ZDHHC15: variants seen among roughly 807,000 people sequenced by gnomAD.
The protein encoded by ZDHHC15 is zDHHC palmitoyltransferase 15.
ZDHHC15 carries 19 observed loss-of-function variants against 31.7 expected under a neutral mutation model. That is an observed-to-expected ratio of 0.60 (90% CI 0.42 to 0.88). ZDHHC15 has a LOEUF of 0.88. Ranked by LOEUF, ZDHHC15 falls within the 40% of genes least tolerant of loss-of-function variation. The pLI is 0.00. For synonymous variants in ZDHHC15, 103 were observed against 90.0 expected (o/e 1.14, Z -0.82); for missense variants, 209 against 251.2 (o/e 0.83, Z 1.14).
intron 9 of ZDHHC15, among the ~76,000 whole-genome samples, chrX:75,421,051 TG>T (rs754231496): frequency 1.6e-4 from 17 of 109,427 alleles, no homozygotes; most frequent in Non-Finnish European, 2.8e-4. Flanking sequence ...ATATATAAAA[TG>T]GAGAAAATAT....
chrX:75,509,904 G>C (rs2085234132), intron 1 of ZDHHC15, among the ~76,000 whole-genome samples: 1 of 112,161 alleles, frequency 8.9e-6, no homozygotes, highest in Non-Finnish European at 1.9e-5. Context: ...GGTTCCCAGA[G>C]TTACATATGA....
At chrX:75,471,401 A>G (rs2084501470) in intron 3 of ZDHHC15, among the ~76,000 whole-genome samples, 1 of 112,169 alleles carries the variant, frequency 8.9e-6, no homozygotes, top group Non-Finnish European at 1.9e-5. Context: ...AATACACTGG[A>G]CTTATTGGTG....
At chrX:75,499,977 G>A (rs2085065197) in intron 2 of ZDHHC15, among the ~76,000 whole-genome samples, 1 of 111,467 alleles carries the variant, frequency 9.0e-6, no homozygotes, top group Non-Finnish European at 1.9e-5. Context: ...TAAGATAATG[G>A]CATTTTATCT....
chrX:75,497,865 A>T (rs765451390), intron 2 of ZDHHC15, among the ~76,000 whole-genome samples: 2 of 110,789 alleles, frequency 1.8e-5, no homozygotes, highest in South Asian at 7.8e-4. Flanking sequence ...CACACAGCCA[A>T]CATTACACTG....
At position 75,429,032 on chromosome X, in the gene ZDHHC15, G is replaced by T. The variant is rs752658403; in HGVS notation, c.603+46C>A. ...GTGAACAATGTCACAAGTTGGAGTG[G>T]GTGTGCATTTGTTCTAGGGGACCCT... On this transcript the variant is annotated intron_variant, in intron 7 of 11. Coordinates refer to ENST00000373367, the MANE Select transcript of ZDHHC15 (RefSeq NM_144969.3). 5 of 1,193,219 alleles carry T rather than the reference G, an allele frequency of 4.2e-6. No homozygotes were observed. The South Asian group carries it at 5.6e-5, about 13-fold the overall frequency.
intron 3 of ZDHHC15, among the ~76,000 whole-genome samples, chrX:75,473,789 C>T (rs759086642): frequency 8.9e-6 from 1 of 111,755 alleles, no homozygotes; most frequent in South Asian, 3.8e-4. Flanking sequence ...CATATTTGTG[C>T]ATGTATACAC....
chrX:75,437,786 C>G (rs1376293826), intron 4 of ZDHHC15, among the ~76,000 whole-genome samples: 1 of 110,529 alleles, frequency 9.0e-6, no homozygotes, highest in African/African-American at 3.3e-5. Flanking sequence ...ATTTACAGTC[C>G]TTTGGGTATA....
intron 10 of ZDHHC15, among the ~76,000 whole-genome samples, chrX:75,413,674 A>T (rs1286984295): frequency 9.0e-6 from 1 of 111,107 alleles, no homozygotes; most frequent in Non-Finnish European, 1.9e-5. Context: ...CAAGAAAAAA[A>T]AAAACAAACA....
At chrX:75,518,326 A>G (rs762051834) in intron 1 of ZDHHC15, among the ~76,000 whole-genome samples, 1 of 111,533 alleles carries the variant, frequency 9.0e-6, no homozygotes, top group African/African-American at 3.3e-5. Context: ...AATGGCTTGA[A>G]TAGACATTTT....
intron 3 of ZDHHC15, among the ~76,000 whole-genome samples, chrX:75,470,344 G>C: frequency 9.0e-6 from 1 of 111,448 alleles, no homozygotes; most frequent in Non-Finnish European, 1.9e-5. Context: ...CTTGCAGATG[G>C]TCTATTGTGG....
chrX:75,405,908 T>C (rs2083406466), intron 10 of ZDHHC15, among the ~76,000 whole-genome samples: 1 of 112,400 alleles, frequency 8.9e-6, no homozygotes, highest in African/African-American at 3.2e-5. Context: ...ATAGGCCAGA[T>C]CTTAGGCCAC....
chrX:75,510,648 C>T (rs1286932188), intron 1 of ZDHHC15, among the ~76,000 whole-genome samples: 2 of 88,751 alleles, frequency 2.3e-5, no homozygotes, highest in African/African-American at 8.2e-5. Flanking sequence ...CATATGTATA[C>T]ATGTGCCATG....
chrX:75,509,125 C>A (rs1335682235), intron 1 of ZDHHC15, among the ~76,000 whole-genome samples: 8 of 111,001 alleles, frequency 7.2e-5, no homozygotes, highest in Non-Finnish European at 1.1e-4. Context: ...GACTTCATGT[C>A]TAAAACACCA....
intron 3 of ZDHHC15, among the ~76,000 whole-genome samples, chrX:75,461,540 A>G (rs1444751939): frequency 8.9e-6 from 1 of 111,820 alleles, no homozygotes; most frequent in Non-Finnish European, 1.9e-5. Context: ...GCAAAAGGCC[A>G]CATTACCTAC....
chrX:75,375,366 T>C (rs1285765792), intron 11 of ZDHHC15, among the ~76,000 whole-genome samples: 1 of 112,502 alleles, frequency 8.9e-6, no homozygotes, highest in Non-Finnish European at 1.9e-5. Flanking sequence ...TTCTATTTTG[T>C]TGATTGTTTG....
chrX:75,429,892 T>C lies in ZDHHC15; in HGVS notation c.482+56A>G, dbSNP rs1269086146. On this transcript the variant is annotated intron_variant, in intron 6 of 11. Coordinates refer to ENST00000373367, the MANE Select transcript of ZDHHC15 (RefSeq NM_144969.3). Reference sequence around the variant, plus strand: ...TGACAACTATGCTTAGAAAAGTGCATATAATTGAGCAACTTTGACCCCTTT... The same window carrying C: ...TGACAACTATGCTTAGAAAAGTGCACATAATTGAGCAACTTTGACCCCTTT... The C allele has an allele frequency of 5.3e-6, 6 of 1,139,113 alleles. No homozygotes were observed. The East Asian group carries it at 9.1e-5, about 17-fold the overall frequency. The allele number at this position is 1,139,113 out of a possible 1,213,427, so 93.9% of individuals were successfully genotyped here. A position where few individuals can be genotyped will look rare whatever the true frequency, so the allele number is the denominator to read the frequency against.
At chrX:75,479,185 C>G (rs1222186957) in intron 2 of ZDHHC15, among the ~76,000 whole-genome samples, 200 bp from the exon 3 acceptor site, 2 of 111,614 alleles carry the variant, frequency 1.8e-5, no homozygotes, top group Non-Finnish European at 3.8e-5. Context: ...AGACATTCTG[C>G]AAGTTGCACA....
At chrX:75,485,515 T>C (rs1323939000) in intron 2 of ZDHHC15, among the ~76,000 whole-genome samples, 2 of 110,471 alleles carry the variant, frequency 1.8e-5, no homozygotes, top group Non-Finnish European at 1.9e-5. Context: ...TATATAATCA[T>C]TTTGGCTCAA....
chrX:75,468,327 G>A (rs1218780446), intron 3 of ZDHHC15, among the ~76,000 whole-genome samples: 1 of 111,676 alleles, frequency 9.0e-6, no homozygotes, highest in Non-Finnish European at 1.9e-5. Context: ...TTACAGGCAT[G>A]AGCCACGAGC....
Sources: gnomAD v4.1 joint callset for allele counts (sites outside exome capture counted in the v4.1 genomes callset) on GRCh38, gnomAD v4.1.1 for gene constraint, MANE v1.5 for transcripts, NCBI Gene and HGNC (gene_info 2026-07-23, HGNC 2026-07-21) for gene names.